Variants in EHBP1 observed in about 807,000 individuals in gnomAD.
The protein encoded by EHBP1 is EH domain binding protein 1.
In EHBP1, 55 loss-of-function variants were observed where a neutral mutation model predicts 144.0. That is an observed-to-expected ratio of 0.38 (90% CI 0.31 to 0.48). EHBP1 has a LOEUF of 0.48. EHBP1 is among the 20% of genes least tolerant of loss of function. EHBP1 has a pLI of 0.98. For synonymous variants in EHBP1, 469 were observed against 472.7 expected, an observed-to-expected ratio of 0.99 and a Z score of 0.10; for missense variants, 1,200 against 1,364.2, an observed-to-expected ratio of 0.88 and a Z score of 1.90.
chr2:62,760,380 G>T (rs1192219563), intron 3 of EHBP1, among the ~76,000 whole-genome samples: 1 of 152,176 alleles, frequency 6.6e-6, no homozygotes, highest in East Asian at 1.9e-4. Context: ...TGTTGGGAGA[G>T]AGTTCCTGGA....
intron 19 of EHBP1, among the ~76,000 whole-genome samples, chr2:63,018,128 G>A (rs2060561148): frequency 6.6e-6 from 1 of 152,184 alleles, no homozygotes; most frequent in Admixed American, 6.5e-5. Flanking sequence ...TTGCACTCCA[G>A]CCTGAGCAAC....
Position 62,965,673 on chromosome 2 carries a change from A to C in EHBP1, c.2460+10013A>C, listed in dbSNP as rs148175890. Among the ~76,000 whole-genome samples, 79 of 152,330 alleles carry C rather than the reference A, an allele frequency of 5.2e-4. 2 individuals carry two copies. Among genetic ancestry groups the C allele is most frequent in the African/African-American group, 1.7e-3 (71 of 41,588 alleles). On this transcript the variant is annotated intron_variant, in intron 14 of 22. Coordinates refer to ENST00000431489, the MANE Select transcript of EHBP1 (RefSeq NM_001142616.3). Reference sequence around the variant, plus strand: ...ACCTAACCATCAGGGTGTTTCATGCAGTCTTGTCAGTTGATGTTCATGAAT... The same window carrying C: ...ACCTAACCATCAGGGTGTTTCATGCCGTCTTGTCAGTTGATGTTCATGAAT...
At chr2:62,807,919 G>C (rs904551230) in intron 5 of EHBP1, among the ~76,000 whole-genome samples, 1 of 151,786 alleles carries the variant, frequency 6.6e-6, no homozygotes, top group African/African-American at 2.4e-5. Flanking sequence ...ATTTCCTCTG[G>C]CTTCTTTCTA....
chr2:62,893,281 T>C (rs944251175), intron 10 of EHBP1, among the ~76,000 whole-genome samples: 6 of 152,218 alleles, frequency 3.9e-5, no homozygotes, highest in African/African-American at 1.4e-4. Context: ...ATATCATTAG[T>C]AACCTGAGTA....
rs71410972 is a variant in EHBP1 at position 62,894,927 on chromosome 2, A to AGAGAG, written c.1185+20395_1185+20396insGAGAG. The stretch of plus-strand genomic sequence containing the variant: ...CAAGACCCTAGCAAAAACAGAAAGA[A>AGAGAG]AGAGAGAGAGAGAGAGAGAGAGAGA... On this transcript the variant is annotated intron_variant, in intron 10 of 22. Transcript: ENST00000431489. Among the ~76,000 whole-genome samples, 716 of 141,212 alleles carry AGAGAG rather than the reference A, an allele frequency of 5.1e-3. 11 individuals are homozygous for AGAGAG. The highest frequency in any genetic ancestry group is 0.032 in the Middle Eastern group (9 of 278). The allele number at this position is 141,212 out of a possible 152,430, so 92.6% of individuals were successfully genotyped here.
At chr2:62,697,323 A>G (rs2034134547) in intron 1 of EHBP1, among the ~76,000 whole-genome samples, 1 of 152,246 alleles carries the variant, frequency 6.6e-6, no homozygotes, top group South Asian at 2.1e-4. Flanking sequence ...TCCAGTGCAA[A>G]TATAGATTAT....
chr2:62,890,551 G>A (rs1348375533), intron 10 of EHBP1, among the ~76,000 whole-genome samples: 1 of 152,266 alleles, frequency 6.6e-6, no homozygotes, highest in Non-Finnish European at 1.5e-5. Flanking sequence ...ACTGTTTTTG[G>A]TGTGTAGGAA....
intron 2 of EHBP1, among the ~76,000 whole-genome samples, chr2:62,713,898 A>G (rs1348667646): frequency 1.3e-5 from 2 of 152,114 alleles, no homozygotes; most frequent in African/African-American, 2.4e-5. Context: ...TCTTTATTCT[A>G]TGTGAAGAAC....
intron 8 of EHBP1, among the ~76,000 whole-genome samples, chr2:62,863,098 C>A (rs879289309): frequency 2.0e-4 from 31 of 151,260 alleles, no homozygotes; most frequent in Non-Finnish European, 1.3e-4. Context: ...GCCTGACCAA[C>A]ATGGTGAAAC....
chr2:62,917,635 T>C (rs1055592256), intron 10 of EHBP1, among the ~76,000 whole-genome samples: 2 of 152,212 alleles, frequency 1.3e-5, no homozygotes, highest in African/African-American at 2.4e-5. Flanking sequence ...GCAGTTTATA[T>C]ATGATTTAGT....
intron 1 of EHBP1, among the ~76,000 whole-genome samples, chr2:62,696,636 G>T (rs1400112186): frequency 2.9e-4 from 41 of 142,230 alleles, no homozygotes; most frequent in Non-Finnish European, 4.7e-4. Context: ...GCCTCAGCCT[G>T]CCAAGTAGCT....
At chr2:62,718,382 C>A (rs1385764325) in intron 2 of EHBP1, among the ~76,000 whole-genome samples, 1 of 152,200 alleles carries the variant, frequency 6.6e-6, no homozygotes, top group East Asian at 1.9e-4. Context: ...ACAGTAGCCA[C>A]ATTTCAAATG....
intron 14 of EHBP1, among the ~76,000 whole-genome samples, chr2:62,970,019 T>C (rs535826559): frequency 6.6e-6 from 1 of 152,278 alleles, no homozygotes; most frequent in South Asian, 2.1e-4. Flanking sequence ...TTATTTTTTA[T>C]TTAATTCTAT....
intron 13 of EHBP1, among the ~76,000 whole-genome samples, chr2:62,950,057 G>A (rs1243477403): frequency 6.6e-6 from 1 of 151,828 alleles, no homozygotes; most frequent in African/African-American, 2.4e-5. Flanking sequence ...ATTGATTAAG[G>A]TATTCCTAAA....
chr2:63,002,839 G>T (rs934853043), intron 19 of EHBP1, among the ~76,000 whole-genome samples: 35 of 151,972 alleles, frequency 2.3e-4, no homozygotes, highest in Admixed American at 2.1e-3. Context: ...TTCATTCCAT[G>T]AATAAAGTAG....
chr2:62,954,945 A>C (rs1317457171), intron 13 of EHBP1, among the ~76,000 whole-genome samples: 1 of 152,116 alleles, frequency 6.6e-6, no homozygotes, highest in East Asian at 1.9e-4. Context: ...TTAATCCAGG[A>C]GAATACTTTT....
chr2:62,996,897 G>T, intron 19 of EHBP1, 131 bp downstream of exon 19: 1 of 1,300,742 alleles, frequency 7.7e-7, no homozygotes, highest in Non-Finnish European at 1.1e-6. Context: ...AAAAGGCTGC[G>T]ATTTGCAGCC....
At chr2:62,916,269 T>C (rs1185843863) in intron 10 of EHBP1, among the ~76,000 whole-genome samples, 1 of 151,992 alleles carries the variant, frequency 6.6e-6, no homozygotes, top group African/African-American at 2.4e-5. Context: ...AAGCAAAAGA[T>C]AGACAAGATA....
intron 5 of EHBP1, among the ~76,000 whole-genome samples, chr2:62,812,738 T>C (rs2045117849): frequency 6.6e-6 from 1 of 152,102 alleles, no homozygotes; most frequent in African/African-American, 2.4e-5. Flanking sequence ...GCGGAAGAAG[T>C]AACTAAGCAA....
Sources: allele counts gnomAD v4.1 joint callset (sites outside exome capture counted in the v4.1 genomes callset), GRCh38; gene constraint gnomAD v4.1.1; transcripts MANE v1.5; gene names NCBI Gene and HGNC (gene_info 2026-07-23, HGNC 2026-07-21).